ZNHIT6: variants seen among roughly 807,000 people sequenced by gnomAD.
The protein encoded by ZNHIT6 is box C/D snoRNA protein 1.
ZNHIT6 carries 45 observed loss-of-function variants against 57.2 expected under a neutral mutation model. That is an observed-to-expected ratio of 0.79 (90% CI 0.62 to 1.01). The LOEUF is 1.01. Among genes scored for constraint, ZNHIT6 ranks in the 50% least tolerant of loss-of-function variants. The pLI is 0.00. For missense variants in ZNHIT6, 528 were observed against 567.3 expected (o/e 0.93, Z 0.70); for synonymous variants, 188 against 190.0 (o/e 0.99, Z 0.09).
chr1:85,698,478 A>T lies in ZNHIT6; in HGVS notation c.1019+3679T>A, dbSNP rs571841175. On this transcript the variant is annotated intron_variant, in intron 5 of 9. Transcript: ENST00000370574. ...GGCTTTTACATTTAAAACTTTTTTT[A>T]AAAAAAATAAATGTAGACTTTATAG... is the stretch of plus-strand genomic sequence containing the variant. Among the ~76,000 whole-genome samples, 210 of 152,120 alleles carry T rather than the reference A, an allele frequency of 1.4e-3. 1 individual carries two copies. The highest frequency in any genetic ancestry group is 2.6e-3 in the Non-Finnish European group (174 of 67,952).
Position 85,702,275 on chromosome 1 carries a change from CA to C in ZNHIT6, c.916-16del. The stretch of plus-strand genomic sequence containing the variant: ...ATAAAGTACATCTAACAACAAAAAC[CA>C]AACAGACAAATTAATTTTTAAATTC... On this transcript the variant is annotated splice_polypyrimidine_tract_variant and intron_variant, in intron 4 of 9. Coordinates refer to ENST00000370574, the MANE Select transcript of ZNHIT6 (RefSeq NM_017953.4). The C allele has an allele frequency of 7.2e-7, 1 of 1,391,674 alleles. No individual in the cohort carries two copies. The highest frequency in any genetic ancestry group is 1.0e-6 in the Non-Finnish European group (1 of 1,000,316). The allele number at this position is 1,391,674 out of a possible 1,614,324, so 86.2% of individuals were successfully genotyped here.
intron 8 of ZNHIT6, among the ~76,000 whole-genome samples, chr1:85,669,281 A>G (rs1465749397): frequency 6.6e-6 from 1 of 152,132 alleles, no homozygotes; most frequent in Admixed American, 6.5e-5. Context: ...ACACAGGTAA[A>G]ATCAATTTCT....
Position 85,649,420 on chromosome 1 carries a change from G to A in ZNHIT6, c.*4638C>T, listed in dbSNP as rs926208167. On this transcript the variant is annotated 3_prime_UTR_variant, in exon 10 of 10. Transcript: ENST00000370574. ...CCAAGTCAGGGGTTACCAAATATCA[G>A]GCTGAGCTTTGGTACTTTATTTGGC... 1 of 152,116 alleles carries A rather than the reference G, an allele frequency of 6.6e-6. No homozygotes were observed. The highest frequency in any genetic ancestry group is 1.5e-5 in the Non-Finnish European group (1 of 68,018). 9.4% of individuals were successfully genotyped at this position (152,116 alleles called of 1,614,324 possible). A position where few individuals can be genotyped will look rare whatever the true frequency, so the allele number is the denominator to read the frequency against.
At position 85,680,918 on chromosome 1, in the gene ZNHIT6, T is replaced by C; in HGVS notation, c.1020-14A>G. ...AACTGTTGTTTTCTAAGAGAGAAAA[T>C]AATCATGTGAGAATCAAGGTAGATA... On this transcript the variant is annotated splice_polypyrimidine_tract_variant and intron_variant, in intron 5 of 9. Coordinates refer to ENST00000370574, the MANE Select transcript of ZNHIT6 (RefSeq NM_017953.4). 1 of 1,601,840 alleles carries C rather than the reference T, an allele frequency of 6.2e-7. No homozygotes were observed.
In ZNHIT6 at chr1:85,649,856, T is replaced by C. The variant is rs1340927602; in HGVS notation, c.*4202A>G. 1 of 151,598 alleles carries C rather than the reference T, an allele frequency of 6.6e-6. No homozygotes were observed. Among genetic ancestry groups the C allele is most frequent in the Non-Finnish European group, 1.5e-5 (1 of 67,898 alleles). The allele number at this position is 151,598 out of a possible 1,614,324, so 9.4% of individuals were successfully genotyped here. A position where few individuals can be genotyped will look rare whatever the true frequency, so the allele number is the denominator to read the frequency against. On this transcript the variant is annotated 3_prime_UTR_variant, in exon 10 of 10. Transcript: ENST00000370574. Reference sequence around the variant, plus strand: ...TGATGTCAAATAAAAATGGATGGCATTAAAAAAAAAATCCAAAAACCTATA... The same window carrying C: ...TGATGTCAAATAAAAATGGATGGCACTAAAAAAAAAATCCAAAAACCTATA...
intron 7 of ZNHIT6, 92 bp from the exon 8 acceptor site, chr1:85,677,405 C>A: frequency 1.1e-6 from 1 of 893,952 alleles, no homozygotes; most frequent in African/African-American, 1.7e-5. Context: ...CCTAATAATA[C>A]TTAAAAGTTC....
intron 8 of ZNHIT6, among the ~76,000 whole-genome samples, chr1:85,659,765 A>G (rs996287442): frequency 6.6e-6 from 1 of 152,244 alleles, no homozygotes; most frequent in African/African-American, 2.4e-5. Context: ...ATCAGGAAAA[A>G]TATAAAAGTG....
Position 85,706,229 on chromosome 1 carries a change from C to T in ZNHIT6, c.829+20G>A. The T allele has an allele frequency of 6.2e-7, 1 of 1,609,924 alleles. No individual in the cohort carries two copies. Among genetic ancestry groups the T allele is most frequent in the Non-Finnish European group, 8.5e-7 (1 of 1,177,262 alleles). ...CCAATGGCCAGGAAGCCTCAATTTGCTATGCATAAAGTGGCTTACCACTTA... is the reference window on the plus strand; with the variant it reads ...CCAATGGCCAGGAAGCCTCAATTTGTTATGCATAAAGTGGCTTACCACTTA... On this transcript the variant is annotated intron_variant, in intron 3 of 9. Transcript: ENST00000370574.
chr1:85,690,199 T>C (rs982122266), intron 5 of ZNHIT6, among the ~76,000 whole-genome samples: 1 of 152,240 alleles, frequency 6.6e-6, no homozygotes, highest in East Asian at 1.9e-4. Context: ...TATGGATCAC[T>C]CGTACGAACA....
intron 5 of ZNHIT6, among the ~76,000 whole-genome samples, chr1:85,683,342 C>T (rs1195982291): frequency 6.6e-6 from 1 of 152,098 alleles, no homozygotes. Flanking sequence ...CATGGTGAAA[C>T]CCCGTCTCTA....
intron 5 of ZNHIT6, among the ~76,000 whole-genome samples, chr1:85,684,153 T>G (rs1003171389): frequency 6.6e-6 from 1 of 152,198 alleles, no homozygotes; most frequent in African/African-American, 2.4e-5. Flanking sequence ...TTACTATACC[T>G]AGTATATTCT....
rs1296482915 is a variant in ZNHIT6, at chr1:85,706,139, G to T, written c.854C>A (p.Ala285Glu). ...LSDYRFLEDVARTADHISRDA... is the reference protein window; with the variant it reads ...LSDYRFLEDVERTADHISRDA... The stretch of plus-strand genomic sequence containing the variant: ...TCTAGAAATATGGTCCGCTGTTCTT[G>T]CCACATCTTCCAAAAATCGATAATC... The change falls in exon 4 of 10, where the codon GCA becomes GAA. Residue 285 changes from alanine (A) to glutamate (E), a missense_variant. Coordinates refer to ENST00000370574, the MANE Select transcript of ZNHIT6 (RefSeq NM_017953.4). 6.2e-7 allele frequency: 1 copy of T among 1,613,768 alleles called. No homozygotes were observed. Among genetic ancestry groups the T allele is most frequent in the South Asian group, 1.1e-5 (1 of 91,038 alleles).
chr1:85,705,866 T>TA (rs1282458464), intron 4 of ZNHIT6, among the ~76,000 whole-genome samples: 9 of 152,330 alleles, frequency 5.9e-5, no homozygotes, highest in Middle Eastern at 6.8e-3. Context: ...TATCTGAAAT[T>TA]ACATTTGTTC....
intron 8 of ZNHIT6, among the ~76,000 whole-genome samples, chr1:85,664,955 C>T (rs821385): frequency 0.91 from 137,739 of 151,976 alleles, 63,046 homozygotes; most frequent in Non-Finnish European, 0.97. Context: ...CCTCAGCCTC[C>T]CGAGTAGCTG....
chr1:85,702,034 G>A (rs1400476797), intron 5 of ZNHIT6, 123 bp downstream of exon 5: 2 of 657,928 alleles, frequency 3.0e-6, no homozygotes, highest in Non-Finnish European at 2.6e-6. Context: ...ATCTTGTCAT[G>A]GACCAATAAC....
At chr1:85,671,167 A>G (rs1661547016) in intron 8 of ZNHIT6, among the ~76,000 whole-genome samples, 1 of 152,236 alleles carries the variant, frequency 6.6e-6, no homozygotes, top group Non-Finnish European at 1.5e-5. Flanking sequence ...GAAATCTCTC[A>G]TATTCTTCCA....
intron 5 of ZNHIT6, among the ~76,000 whole-genome samples, chr1:85,689,354 CT>C (rs1245866798): frequency 6.6e-6 from 1 of 152,040 alleles, no homozygotes; most frequent in Non-Finnish European, 1.5e-5. Context: ...TAAAAATAAT[CT>C]ATTTTATTAG....
intron 8 of ZNHIT6, among the ~76,000 whole-genome samples, chr1:85,674,519 A>G (rs1661649029): frequency 6.6e-6 from 1 of 152,154 alleles, no homozygotes; most frequent in African/African-American, 2.4e-5. Context: ...TTAATCTACT[A>G]TTCCCTTCAC....
At chr1:85,684,126 C>T (rs1661958092) in intron 5 of ZNHIT6, among the ~76,000 whole-genome samples, 1 of 152,178 alleles carries the variant, frequency 6.6e-6, no homozygotes, top group Non-Finnish European at 1.5e-5. Context: ...GGCATATCAA[C>T]GTTCTCAAAA....
Sources: allele counts gnomAD v4.1 joint callset (sites outside exome capture counted in the v4.1 genomes callset), GRCh38; gene constraint gnomAD v4.1.1; transcripts MANE v1.5; gene names NCBI Gene and HGNC (gene_info 2026-07-23, HGNC 2026-07-21).